HEPH: variants seen among roughly 807,000 people sequenced by gnomAD.
The protein encoded by HEPH is hephaestin.
HEPH carries 69 observed loss-of-function variants against 80.8 expected under a neutral mutation model. The observed-to-expected ratio is 0.85, with a 90% CI of 0.70 to 1.04. The LOEUF is 1.04. Ranked by LOEUF, HEPH falls within the 50% of genes least tolerant of loss-of-function variation. HEPH has a pLI of 0.00. For synonymous variants in HEPH, 431 were observed against 322.8 expected, an observed-to-expected ratio of 1.34 and a Z score of -3.60; for missense variants, 1,115 against 891.3, an observed-to-expected ratio of 1.25 and a Z score of -3.20.
At chrX:66,188,865 G>A (rs767077519) in intron 5 of HEPH, among the ~76,000 whole-genome samples, 2 of 112,469 alleles carry the variant, frequency 1.8e-5, no homozygotes, top group Admixed American at 9.4e-5. Context: ...TTACTTTGCT[G>A]TGGGTTGCCC....
At chrX:66,202,460 C>G (rs925861481) in intron 12 of HEPH, among the ~76,000 whole-genome samples, 2 of 111,342 alleles carry the variant, frequency 1.8e-5, no homozygotes, top group African/African-American at 6.5e-5. Flanking sequence ...TTCTTTTGAT[C>G]GACATTGAGT....
chrX:66,261,692 T>C (rs2091370276), intron 19 of HEPH, among the ~76,000 whole-genome samples: 2 of 111,516 alleles, frequency 1.8e-5, no homozygotes, highest in African/African-American at 6.5e-5. Context: ...CAAATGTGGG[T>C]GGAGAATACA....
At chrX:66,234,350 T>C (rs1488446611) in intron 15 of HEPH, among the ~76,000 whole-genome samples, 1 of 111,945 alleles carries the variant, frequency 8.9e-6, no homozygotes, top group Admixed American at 9.5e-5. Flanking sequence ...TCTGTGTCTT[T>C]CCTATTGCGA....
intron 15 of HEPH, among the ~76,000 whole-genome samples, chrX:66,248,563 A>T (rs1285214925): frequency 1.8e-5 from 2 of 112,424 alleles, no homozygotes; most frequent in Non-Finnish European, 3.8e-5. Flanking sequence ...GAAAAGGTGA[A>T]AGTTTTTGAA....
In HEPH at chrX:66,199,036, G is replaced by A. The variant is rs1289111573; in HGVS notation, c.1864+8G>A. ...ACTCCAATCGGATGCATGGTATGGG[G>A]AGTACTTTTGCCCTGGGCTAAATTG... On this transcript the variant is annotated splice_region_variant and intron_variant, in intron 11 of 20. Transcript: ENST00000343002. The A allele has an allele frequency of 2.5e-6, 3 of 1,201,901 alleles. No homozygotes were observed. Among genetic ancestry groups the A allele is most frequent in the African/African-American group, 3.5e-5 (2 of 57,014 alleles).
At chrX:66,191,784 C>T (rs145043918) in intron 6 of HEPH, among the ~76,000 whole-genome samples, 1,614 of 111,803 alleles carry the variant, frequency 0.014, 32 homozygotes, top group African/African-American at 0.05. Flanking sequence ...AAGTGACTTG[C>T]CTAAGGTCCT....
In HEPH at chrX:66,197,884, A is replaced by G; in HGVS notation, c.1703A>G (p.Asp568Gly). The G allele has an allele frequency of 8.4e-7, 1 of 1,196,348 alleles. No homozygotes were observed. The highest frequency in any genetic ancestry group is 1.1e-6 in the Non-Finnish European group (1 of 887,319). The change falls in exon 10 of 21, where the codon GAT becomes GGT. Residue 568 changes from aspartate (D) to glycine (G), a missense_variant. By Grantham distance (94) the Asp-to-Gly change is moderately conservative. This residue lies in a region of HEPH where 716 missense variants were observed against 523.5 expected (regional missense o/e 1.37). Transcript: ENST00000343002. ...TGCAGGGCTGGTGCCTTGGGTGCAG[A>G]TGGCAAGCAGGTATTGTCAGGGTTA... Reference protein sequence around the residue: ...LVCRAGALGADGKQKGVDKEF... With the variant: ...LVCRAGALGAGGKQKGVDKEF...
chrX:66,193,539 A>G lies in HEPH; in HGVS notation c.1270A>G (p.Ile424Val). Reference sequence around the variant, plus strand: ...GTTTTTCCAGAAGAGCTCCAGCCGAATTGGGGGCACTTACTGGAAAGTGCG... The same window carrying G: ...GTTTTTCCAGAAGAGCTCCAGCCGAGTTGGGGGCACTTACTGGAAAGTGCG... ...DKFFQKSSSR[I>V]GGTYWKVRYE... Residue 424 changes from isoleucine to valine, a missense_variant, in exon 8 of 21, where the codon ATT becomes GTT. By Grantham distance (29) the Ile-to-Val change is conservative. Transcript: ENST00000343002. 1 of 1,189,069 alleles carries G rather than the reference A, an allele frequency of 8.4e-7. No homozygotes were observed. Among genetic ancestry groups the G allele is most frequent in the East Asian group, 3.0e-5 (1 of 33,399 alleles).
In HEPH at chrX:66,265,954, G is replaced by A. The variant is rs185770069; in HGVS notation, c.3245-486G>A. Among the ~76,000 whole-genome samples the A allele has an allele frequency of 3.6e-5, 4 of 111,732 alleles. No homozygotes were observed. The East Asian group carries it at 8.5e-4, about 24-fold the overall frequency. On this transcript the variant is annotated intron_variant, in intron 20 of 20. Coordinates refer to ENST00000343002, the MANE Select transcript of HEPH (RefSeq NM_001367233.3). ...TTGGAAAGGTCTATGTGACATCAGC[G>A]TTAACATGACCCAAAGAGGTAAGAC... is the stretch of plus-strand genomic sequence containing the variant.
intron 4 of HEPH, among the ~76,000 whole-genome samples, chrX:66,180,709 A>C (rs1411383391): frequency 1.9e-5 from 1 of 51,442 alleles, no homozygotes; most frequent in African/African-American, 8.5e-5. Flanking sequence ...TTTTTTTTTT[A>C]ATTATACTCT....
Position 66,193,550 on chromosome X carries a change from T to G in HEPH, c.1281T>G (p.Thr427=). Residue 427 remains threonine (T), a synonymous_variant, in exon 8 of 21, where the codon ACT becomes ACG. Transcript: ENST00000343002. ...FQKSSSRIGG[T]YWKVRYEAFQ... ...AGAGCTCCAGCCGAATTGGGGGCAC[T>G]TACTGGAAAGTGCGATATGAAGCCT... is the stretch of plus-strand genomic sequence containing the variant. 8.4e-7 allele frequency: 1 copy of G among 1,192,305 alleles called. No individual in the cohort carries two copies. The highest frequency in any genetic ancestry group is 1.1e-6 in the Non-Finnish European group (1 of 881,422).
intron 18 of HEPH, among the ~76,000 whole-genome samples, 189 bp from the exon 19 acceptor site, chrX:66,259,911 A>G (rs2091304286): frequency 9.2e-6 from 1 of 108,312 alleles, no homozygotes; most frequent in East Asian, 2.9e-4. Context: ...TTTTTTTAGT[A>G]GAGACGGGGT....
In HEPH at chrX:66,197,630, G is replaced by A. The variant is rs1044434778; in HGVS notation, c.1502-53G>A. 8.7e-6 allele frequency: 9 copies of A among 1,035,614 alleles called. No homozygotes were observed. The Admixed American group carries it at 1.8e-4, about 20-fold the overall frequency. 85.3% of individuals were successfully genotyped at this position (1,035,614 alleles called of 1,213,427 possible). A position where few individuals can be genotyped will look rare whatever the true frequency, so the allele number is the denominator to read the frequency against. On this transcript the variant is annotated intron_variant, in intron 9 of 20. Coordinates refer to ENST00000343002, the MANE Select transcript of HEPH (RefSeq NM_001367233.3). ...AATCTTTATTTCACTGTTTGGAGCT[G>A]ATGATTCTCATTCTAGTCAATCTAA...
chrX:66,221,669 G>T (rs960109792), intron 15 of HEPH, among the ~76,000 whole-genome samples: 3 of 112,782 alleles, frequency 2.7e-5, no homozygotes, highest in Non-Finnish European at 5.6e-5. Flanking sequence ...GATACATAGG[G>T]TGTAAAGGGT....
chrX:66,162,711 A>G (rs960039837), upstream of HEPH: 62 of 1,154,037 alleles, frequency 5.4e-5, no homozygotes, highest in Non-Finnish European at 7.0e-5. Flanking sequence ...AGCACACTTA[A>G]GAATCTCTAG....
In HEPH at chrX:66,188,374, A is replaced by G. The variant is rs780280755; in HGVS notation, c.641A>G (p.Asn214Ser). The G allele has an allele frequency of 5.9e-6, 7 of 1,186,125 alleles. No homozygotes were observed. The South Asian group carries it at 1.3e-4, about 22-fold the overall frequency. ...ITCKRGALDGNSPPQRQDVDH... is the reference protein window; with the variant it reads ...ITCKRGALDGSSPPQRQDVDH... ...CTTGCCCTAGGAGCCCTGGATGGGAACTCCCCTCCTCAACGCCAGGATGTA... is the reference window on the plus strand; with the variant it reads ...CTTGCCCTAGGAGCCCTGGATGGGAGCTCCCCTCCTCAACGCCAGGATGTA... The change falls in exon 5 of 21, where the codon AAC (asparagine) becomes AGC (serine). Residue 214 changes from asparagine to serine, a missense_variant. Coordinates refer to ENST00000343002, the MANE Select transcript of HEPH (RefSeq NM_001367233.3).
intron 15 of HEPH, among the ~76,000 whole-genome samples, chrX:66,213,298 T>C (rs999215347): frequency 9.1e-6 from 1 of 110,374 alleles, no homozygotes; most frequent in African/African-American, 3.3e-5. Flanking sequence ...GGTTTTTTGT[T>C]CTTGTGATAG....
At position 66,203,451 on chromosome X, in the gene HEPH, A is replaced by C. The variant is rs2088583723; in HGVS notation, c.2165A>C (p.Gln722Pro). Residue 722 changes from glutamine to proline, a missense_variant, in exon 13 of 21, where the codon CAA becomes CCA. Transcript: ENST00000343002. ...IYNVSQCPGH[Q>P]ATPRQRYQAA... ...AATGTCTCCCAGTGTCCTGGCCACC[A>C]AGCCACCCCTCGCCAACGCTACCAA... 8.3e-7 allele frequency: 1 copy of C among 1,208,222 alleles called. No individual in the cohort carries two copies. Among genetic ancestry groups the C allele is most frequent in the Admixed American group, 2.2e-5 (1 of 45,630 alleles).
chrX:66,196,187 CATT>C (rs758700760), intron 9 of HEPH, among the ~76,000 whole-genome samples: 38 of 111,082 alleles, frequency 3.4e-4, no homozygotes, highest in Non-Finnish European at 6.0e-4. Flanking sequence ...GGAATAATGG[CATT>C]ATAGCGACAT....
Sources: gnomAD v4.1 joint callset for allele counts (sites outside exome capture counted in the v4.1 genomes callset) on GRCh38, gnomAD v4.1.1 for gene constraint, gnomAD v4.1.1 regional missense constraint, MANE v1.5 for transcripts, NCBI Gene and HGNC (gene_info 2026-07-23, HGNC 2026-07-21) for gene names.